CUL3: variants seen among roughly 807,000 people sequenced by gnomAD.
The protein encoded by CUL3 is cullin 3, also known as cullin-3.
In CUL3, 19 loss-of-function variants were observed where a neutral mutation model predicts 89.1. That is an observed-to-expected ratio of 0.21 (90% CI 0.15 to 0.31). The LOEUF is 0.31. Ranked by LOEUF, CUL3 falls within the 10% of genes least tolerant of loss-of-function variation. The pLI is 1.00. For missense variants in CUL3, 469 were observed against 942.3 expected (o/e 0.50, Z 6.58); for synonymous variants, 351 against 308.4 (o/e 1.14, Z -1.45).
At chr2:224,489,947 T>C (rs1349923920) in intron 13 of CUL3, among the ~76,000 whole-genome samples, 2 of 152,170 alleles carry the variant, frequency 1.3e-5, no homozygotes, top group Non-Finnish European at 2.9e-5. Flanking sequence ...ATTTTTGCGA[T>C]CTATCCATCT....
At chr2:224,502,397 C>A (rs946638659) in intron 10 of CUL3, among the ~76,000 whole-genome samples, 1 of 152,190 alleles carries the variant, frequency 6.6e-6, no homozygotes, top group African/African-American at 2.4e-5. Flanking sequence ...TCCCATCAGA[C>A]TCCAAAGCTA....
At chr2:224,570,111 C>T (rs1695150099) in intron 1 of CUL3, among the ~76,000 whole-genome samples, 1 of 151,844 alleles carries the variant, frequency 6.6e-6, no homozygotes, top group Admixed American at 6.6e-5. Flanking sequence ...TTATTGTACC[C>T]CTTACAATGC....
intron 1 of CUL3, among the ~76,000 whole-genome samples, chr2:224,571,367 G>A (rs1695175720): frequency 6.6e-6 from 1 of 151,440 alleles, no homozygotes; most frequent in Non-Finnish European, 1.5e-5. Flanking sequence ...TTTATACATG[G>A]GTCACATGTA....
chr2:224,555,923 C>T (rs1254342999), intron 2 of CUL3, among the ~76,000 whole-genome samples: 1 of 152,194 alleles, frequency 6.6e-6, no homozygotes, highest in Non-Finnish European at 1.5e-5. Context: ...TCATCCATCT[C>T]TCACATCACA....
intron 13 of CUL3, among the ~76,000 whole-genome samples, chr2:224,483,703 T>A (rs1691614404): frequency 6.6e-6 from 1 of 152,154 alleles, no homozygotes. Context: ...TATTAATTTC[T>A]TCAGATTTTT....
chr2:224,499,039 A>G (rs1445023993), intron 11 of CUL3, among the ~76,000 whole-genome samples: 1 of 152,236 alleles, frequency 6.6e-6, no homozygotes, highest in Admixed American at 6.5e-5. Flanking sequence ...ACAAAGATCC[A>G]GGATATGGGC....
chr2:224,531,361 T>A (rs773997707), intron 3 of CUL3, among the ~76,000 whole-genome samples: 7 of 152,014 alleles, frequency 4.6e-5, no homozygotes, highest in Non-Finnish European at 8.8e-5. Flanking sequence ...GTACTGGAAT[T>A]ACAGGGGTGA....
chr2:224,512,193 C>T (rs1281581839), intron 5 of CUL3, among the ~76,000 whole-genome samples: 2 of 151,802 alleles, frequency 1.3e-5, no homozygotes, highest in Non-Finnish European at 2.9e-5. Context: ...CCTCCCGGGT[C>T]CACACCATTC....
At chr2:224,502,710 A>G (rs1263242184) in intron 10 of CUL3, among the ~76,000 whole-genome samples, 1 of 152,246 alleles carries the variant, frequency 6.6e-6, no homozygotes, top group Non-Finnish European at 1.5e-5. Flanking sequence ...TAACAACAGA[A>G]TAATTCTCTT....
In CUL3 at chr2:224,496,056, G is replaced by A. The variant is rs1196341988; in HGVS notation, c.1708-90C>T. 12 of 1,399,600 alleles carry A rather than the reference G, an allele frequency of 8.6e-6. No individual in the cohort carries two copies. In the Admixed American group the frequency reaches 2.4e-4, roughly 27 times the overall value. 86.7% of individuals were successfully genotyped at this position (1,399,600 alleles called of 1,614,324 possible). A position where few individuals can be genotyped will look rare whatever the true frequency, so the allele number is the denominator to read the frequency against. On this transcript the variant is annotated intron_variant, in intron 12 of 15. Coordinates refer to ENST00000264414, the MANE Select transcript of CUL3 (RefSeq NM_003590.5). ...ATGTACGTACATATGTATGTTACAGGGTCTCACTTTGTCATCCAGGCTACA... is the reference window on the plus strand; with the variant it reads ...ATGTACGTACATATGTATGTTACAGAGTCTCACTTTGTCATCCAGGCTACA...
intron 3 of CUL3, among the ~76,000 whole-genome samples, chr2:224,526,585 C>CAAAAAAAA (rs1166152595): frequency 1.9e-4 from 5 of 26,160 alleles, no homozygotes; most frequent in African/African-American, 2.7e-4. Context: ...GACTCCGTCT[C>CAAAAAAAA]AAAAAAAAAA....
chr2:224,505,855 G>A (rs942391122), intron 8 of CUL3, 101 bp downstream of exon 8: 1 of 740,008 alleles, frequency 1.4e-6, no homozygotes, highest in African/African-American at 1.8e-5. Flanking sequence ...GCACAGCAAT[G>A]GGTCATGCTT....
At position 224,546,744 on chromosome 2, in the gene CUL3, C is replaced by T. The variant is rs1694318818; in HGVS notation, c.264+10915G>A. On this transcript the variant is annotated intron_variant, in intron 2 of 15. Coordinates refer to ENST00000264414, the MANE Select transcript of CUL3 (RefSeq NM_003590.5). The stretch of plus-strand genomic sequence containing the variant: ...ATAGCTGATACTTAACATGGGCAAA[C>T]TTGTTAAAACAACACTTTTAAGCCT... 2.0e-5 allele frequency among the ~76,000 whole-genome samples: 3 copies of T among 152,136 alleles called. No homozygotes were observed. The South Asian group carries it at 6.2e-4, about 32-fold the overall frequency.
rs1375603896 is a variant in CUL3 at position 224,473,538 on chromosome 2, C to A, written c.*707G>T. ...CAATTTACACATACTAAAATACTTT[C>A]TTTCTCTAGAAATAACTCAGAACAA... is the stretch of plus-strand genomic sequence containing the variant. On this transcript the variant is annotated 3_prime_UTR_variant, in exon 16 of 16. Transcript: ENST00000264414. The A allele has an allele frequency of 1.1e-5, 2 of 183,228 alleles. No individual in the cohort carries two copies. The highest frequency in any genetic ancestry group is 4.7e-5 in the African/African-American group (2 of 42,518). 11.4% of individuals were successfully genotyped at this position (183,228 alleles called of 1,614,324 possible).
At chr2:224,575,568 G>A (rs745337353) in intron 1 of CUL3, among the ~76,000 whole-genome samples, 3 of 152,168 alleles carry the variant, frequency 2.0e-5, no homozygotes, top group African/African-American at 7.2e-5. Context: ...CAAGCAACAA[G>A]ATAGAATAAT....
At chr2:224,505,882 A>G (rs1027892029) in intron 8 of CUL3, 74 bp downstream of exon 8, 1 of 998,740 alleles carries the variant, frequency 1.0e-6, no homozygotes, top group African/African-American at 1.7e-5. Context: ...TATCTGTGAA[A>G]TGTCCTAATT....
intron 1 of CUL3, among the ~76,000 whole-genome samples, chr2:224,561,993 G>A (rs891417724): frequency 6.6e-6 from 1 of 152,178 alleles, no homozygotes; most frequent in Non-Finnish European, 1.5e-5. Flanking sequence ...GCTAATAGCT[G>A]AGCAAAACAT....
intron 1 of CUL3, among the ~76,000 whole-genome samples, chr2:224,584,280 T>TC (rs35465666): frequency 0.28 from 42,984 of 151,712 alleles, 6,401 homozygotes; most frequent in Middle Eastern, 0.4. Flanking sequence ...CTCTGTTGCT[T>TC]CCCCCCCACC....
rs1691175490 is a variant in CUL3, at chr2:224,472,721, G to GA, written c.*1523dup. 5.1e-6 allele frequency: 1 copy of GA among 195,132 alleles called. No individual in the cohort carries two copies. Among genetic ancestry groups the GA allele is most frequent in the African/African-American group, 2.3e-5 (1 of 43,182 alleles). 12.1% of individuals were successfully genotyped at this position (195,132 alleles called of 1,614,324 possible). A position where few individuals can be genotyped will look rare whatever the true frequency, so the allele number is the denominator to read the frequency against. On this transcript the variant is annotated 3_prime_UTR_variant, in exon 16 of 16. Transcript: ENST00000264414. ...AAAAGCATATTTGCAAGTCTAAAAG[G>GA]AAAATTATAACCCAAGACGCATGGG...
Sources: allele counts gnomAD v4.1 joint callset (sites outside exome capture counted in the v4.1 genomes callset), GRCh38; gene constraint gnomAD v4.1.1; transcripts MANE v1.5; gene names NCBI Gene and HGNC (gene_info 2026-07-23, HGNC 2026-07-21).